The following CA12 variants were observed in gnomAD, a reference collection of about 807,000 sequenced individuals.
CA12 encodes carbonic anhydrase 12.
A neutral mutation model predicts 46.8 loss-of-function variants in CA12; 36 were observed. The observed-to-expected ratio is 0.77, with a 90% CI of 0.59 to 1.02. CA12 has a LOEUF of 1.02. Among genes scored for constraint, CA12 ranks in the 50% least tolerant of loss-of-function variants. The probability of loss-of-function intolerance (pLI) is 0.00; values close to 1 mark genes in which losing one functional copy is unlikely to be tolerated. For synonymous variants in CA12, 202 were observed against 187.0 expected (o/e 1.08, Z -0.65); for missense variants, 436 against 451.4 (o/e 0.97, Z 0.31).
In CA12 at chr15:63,373,430, C is replaced by T; in HGVS notation, c.106+2228G>A. On this transcript the variant is annotated intron_variant, in intron 2 of 10. Transcript: ENST00000178638. The surrounding 1 kb of genome is among the most constrained non-coding windows in gnomAD (Gnocchi z 4.9). ...TGTTCCCTGTCGCCATCTCATTCTGCCCAGGAGGGCTGTAACAGAGAGATA... is the reference window on the plus strand; with the variant it reads ...TGTTCCCTGTCGCCATCTCATTCTGTCCAGGAGGGCTGTAACAGAGAGATA... 6.6e-6 allele frequency among the ~76,000 whole-genome samples: 1 copy of T among 152,064 alleles called. No individual in the cohort carries two copies. Among genetic ancestry groups the T allele is most frequent in the East Asian group, 1.9e-4 (1 of 5,192 alleles).
chr15:63,353,915 T>A (rs565606709), intron 2 of CA12, among the ~76,000 whole-genome samples: 2 of 152,308 alleles, frequency 1.3e-5, no homozygotes, highest in East Asian at 3.9e-4. Flanking sequence ...CTGAAGCTGA[T>A]TAAAATATCT....
intron 2 of CA12, among the ~76,000 whole-genome samples, chr15:63,370,593 T>C (rs569003632): frequency 1.3e-4 from 19 of 151,812 alleles, no homozygotes; most frequent in African/African-American, 4.1e-4. Context: ...GTCAACATGG[T>C]GAAACCCCGT....
In CA12 at chr15:63,326,096, G is replaced by C; in HGVS notation, c.*189C>G. 3.3e-6 allele frequency: 2 copies of C among 613,482 alleles called. No homozygotes were observed. Among genetic ancestry groups the C allele is most frequent in the South Asian group, 1.8e-5 (1 of 56,044 alleles). The allele number at this position is 613,482 out of a possible 1,614,324, so 38.0% of individuals were successfully genotyped here. ...GGTCTGAGAGTGCATCCCATCCATC[G>C]ATCGGATGGCTCTGGGGTGGCCATG... is the stretch of plus-strand genomic sequence containing the variant. On this transcript the variant is annotated 3_prime_UTR_variant, in exon 11 of 11. Coordinates refer to ENST00000178638, the MANE Select transcript of CA12 (RefSeq NM_001218.5).
In CA12 at chr15:63,339,780, C is replaced by T. The variant is rs1305990662; in HGVS notation, c.747+508G>A. Among the ~76,000 whole-genome samples the T allele has an allele frequency of 1.3e-5, 2 of 152,200 alleles. No individual in the cohort carries two copies. Among genetic ancestry groups the T allele is most frequent in the Admixed American group, 1.3e-4 (2 of 15,290 alleles). On this transcript the variant is annotated intron_variant, in intron 7 of 10. Transcript: ENST00000178638. This position sits in a 1 kb window ranked among gnomAD's most constrained non-coding sequence, Gnocchi z 4.3. Reference sequence around the variant, plus strand: ...GGGTCTCAGCTTTGTCACTAACCCGCGGGTGATCCCACAGACTTCTACTCT... The same window carrying T: ...GGGTCTCAGCTTTGTCACTAACCCGTGGGTGATCCCACAGACTTCTACTCT...
At position 63,336,454 on chromosome 15, in the gene CA12, TA is replaced by T. The variant is rs535994454; in HGVS notation, c.874+2364del. On this transcript the variant is annotated intron_variant, in intron 8 of 10. Coordinates refer to ENST00000178638, the MANE Select transcript of CA12 (RefSeq NM_001218.5). Reference sequence around the variant, plus strand: ...GCCCTCAAACACTGTCCCTGCAATGTAAAGTCAGGATTGGCAGTTGTTAGTG... The same window carrying T: ...GCCCTCAAACACTGTCCCTGCAATGTAAGTCAGGATTGGCAGTTGTTAGTG... Among the ~76,000 whole-genome samples, 307 of 151,736 alleles carry T rather than the reference TA, an allele frequency of 2.0e-3. 1 individual carries two copies. The highest frequency in any genetic ancestry group is 3.6e-3 in the Non-Finnish European group (246 of 67,988).
chr15:63,346,531 T>A lies in CA12; in HGVS notation c.285A>T (p.Ser95=). 1 of 1,612,216 alleles carries A rather than the reference T, an allele frequency of 6.2e-7. No homozygotes were observed. The highest frequency in any genetic ancestry group is 1.1e-5 in the South Asian group (1 of 91,020). Reference sequence around the variant, plus strand: ...AGGTCTCCAAGGCCTCTCCCTCACCTGAATGGCCATTGTTGGTCAGGAGAA... The same window carrying A: ...AGGTCTCCAAGGCCTCTCCCTCACCAGAATGGCCATTGTTGGTCAGGAGAA... The part of the protein sequence containing the change: ...KQFLLTNNGH[S]VKLNLPSDMH... The change falls in exon 3 of 11, where the codon TCA becomes TCT. Residue 95 remains serine (S), a splice_region_variant and synonymous_variant. Coordinates refer to ENST00000178638, the MANE Select transcript of CA12 (RefSeq NM_001218.5).
intron 1 of CA12, among the ~76,000 whole-genome samples, chr15:63,380,904 T>C (rs182244578): frequency 5.3e-4 from 81 of 152,290 alleles, no homozygotes; most frequent in East Asian, 7.7e-4. Context: ...GAGCCCACAG[T>C]TCAGGTCCCC....
At position 63,355,737 on chromosome 15, in the gene CA12, A is replaced by G. The variant is rs912253195; in HGVS notation, c.107-9028T>C. 6.7e-6 allele frequency among the ~76,000 whole-genome samples: 1 copy of G among 149,726 alleles called. No homozygotes were observed. Among genetic ancestry groups the G allele is most frequent in the Admixed American group, 6.6e-5 (1 of 15,246 alleles). ...CTAACCCCTATCATGAAAACTAGCC[A>G]GGCCTGAGCCCCCCATCAGTGCTCA... On this transcript the variant is annotated intron_variant, in intron 2 of 10. Coordinates refer to ENST00000178638, the MANE Select transcript of CA12 (RefSeq NM_001218.5). The surrounding 1 kb of genome is among the most constrained non-coding windows in gnomAD (Gnocchi z 4.1).
chr15:63,378,797 CCA>C lies in CA12; in HGVS notation c.85+2837_85+2838del, dbSNP rs988419814. On this transcript the variant is annotated intron_variant, in intron 1 of 10. Transcript: ENST00000178638. This position sits in a 1 kb window ranked among gnomAD's most constrained non-coding sequence, Gnocchi z 4.8. Reference sequence around the variant, plus strand: ...AGTTGGAGGCCCAGGATGTAAAATTCCACAAATAACAGAGGAGTTCACCCTTA... The same window carrying C: ...AGTTGGAGGCCCAGGATGTAAAATTCCAAATAACAGAGGAGTTCACCCTTA... 1 of 152,164 alleles carries C rather than the reference CCA, an allele frequency of 6.6e-6. No homozygotes were observed. The highest frequency in any genetic ancestry group is 1.5e-5 in the Non-Finnish European group (1 of 68,060). 9.4% of individuals were successfully genotyped at this position (152,164 alleles called of 1,614,324 possible). A position where few individuals can be genotyped will look rare whatever the true frequency, so the allele number is the denominator to read the frequency against.
In CA12 at chr15:63,340,831, T is replaced by C. The variant is rs372096514; in HGVS notation, c.526-48A>G. On this transcript the variant is annotated intron_variant, in intron 5 of 10. Transcript: ENST00000178638. This position sits in a 1 kb window ranked among gnomAD's most constrained non-coding sequence, Gnocchi z 4.4. ...TAAACTGGGACAGAACAGGATAGGC[T>C]GAGCCAGGATTGACGATTGCTATCA... The C allele has an allele frequency of 4.5e-6, 7 of 1,550,374 alleles. No homozygotes were observed. The African/African-American group carries it at 8.1e-5, about 18-fold the overall frequency.
chr15:63,327,256 A>C lies in CA12; in HGVS notation c.908-23T>G, dbSNP rs2038879471. ...TGCCTGGTGAAGAGGTAGAGGGCAC[A>C]CATTACATTCCTTCCTTCCCCTCCA... On this transcript the variant is annotated intron_variant, in intron 9 of 10. Coordinates refer to ENST00000178638, the MANE Select transcript of CA12 (RefSeq NM_001218.5). This position sits in a 1 kb window ranked among gnomAD's most constrained non-coding sequence, Gnocchi z 4.5. The C allele has an allele frequency of 6.3e-7, 1 of 1,595,998 alleles. No individual in the cohort carries two copies. Among genetic ancestry groups the C allele is most frequent in the East Asian group, 2.2e-5 (1 of 44,736 alleles).
Position 63,345,353 on chromosome 15 carries a change from TG to T in CA12, c.429+123del. On this transcript the variant is annotated intron_variant, in intron 4 of 10. Coordinates refer to ENST00000178638, the MANE Select transcript of CA12 (RefSeq NM_001218.5). The surrounding 1 kb of genome is among the most constrained non-coding windows in gnomAD (Gnocchi z 4.3). ...GCGCCCCTTGTGCCAGGGCCAGAGG[TG>T]GGGCAGAGAGCCTGAAGGCAGCCTG... 8.0e-7 allele frequency: 1 copy of T among 1,246,308 alleles called. No homozygotes were observed. Among genetic ancestry groups the T allele is most frequent in the Non-Finnish European group, 1.1e-6 (1 of 884,458 alleles). The allele number at this position is 1,246,308 out of a possible 1,614,324, so 77.2% of individuals were successfully genotyped here.
intron 2 of CA12, among the ~76,000 whole-genome samples, chr15:63,358,018 C>T (rs760078517): frequency 6.6e-6 from 1 of 152,216 alleles, no homozygotes; most frequent in Non-Finnish European, 1.5e-5. Flanking sequence ...AAAGGGCCTT[C>T]ATGCCTTTTT....
chr15:63,366,650 A>G (rs1410039935), intron 2 of CA12, among the ~76,000 whole-genome samples: 1 of 152,200 alleles, frequency 6.6e-6, no homozygotes. Flanking sequence ...CAAGTTGAAA[A>G]CTTTGGTTGG....
At chr15:63,334,524 T>C (rs576255232) in intron 8 of CA12, among the ~76,000 whole-genome samples, 2 of 152,076 alleles carry the variant, frequency 1.3e-5, no homozygotes, top group South Asian at 4.2e-4. Flanking sequence ...CCCAAAATGC[T>C]GGGATTACAG....
chr15:63,349,312 A>G (rs1417607052), intron 2 of CA12, among the ~76,000 whole-genome samples: 4 of 152,328 alleles, frequency 2.6e-5, no homozygotes, highest in South Asian at 4.1e-4. Flanking sequence ...TGCTCATGTC[A>G]AGGCAGCTAC....
At position 63,330,410 on chromosome 15, in the gene CA12, TAC is replaced by T. The variant is rs1183833380; in HGVS notation, c.875-2282_875-2281del. 6.6e-6 allele frequency among the ~76,000 whole-genome samples: 1 copy of T among 152,228 alleles called. No individual in the cohort carries two copies. Among genetic ancestry groups the T allele is most frequent in the Non-Finnish European group, 1.5e-5 (1 of 68,044 alleles). The stretch of plus-strand genomic sequence containing the variant: ...TTTTCTTCCCAACCCTTTGATGAAA[TAC>T]ACTCTCGTTCTTTGTTCCTGAAGCT... On this transcript the variant is annotated intron_variant, in intron 8 of 10. Coordinates refer to ENST00000178638, the MANE Select transcript of CA12 (RefSeq NM_001218.5). The surrounding 1 kb of genome is among the most constrained non-coding windows in gnomAD (Gnocchi z 4.0).
chr15:63,340,273 T>C lies in CA12; in HGVS notation c.747+15A>G, dbSNP rs772612686. 27 of 1,614,106 alleles carry C rather than the reference T, an allele frequency of 1.7e-5. No homozygotes were observed. In the South Asian group the frequency reaches 2.6e-4, roughly 16 times the overall value. On this transcript the variant is annotated intron_variant, in intron 7 of 10. Transcript: ENST00000178638. This position sits in a 1 kb window ranked among gnomAD's most constrained non-coding sequence, Gnocchi z 4.4. Reference sequence around the variant, plus strand: ...GTGCCGCGTGGACTCTGGCTGAGTCTGGCACGACAGTTACCTGCTCCTGGG... The same window carrying C: ...GTGCCGCGTGGACTCTGGCTGAGTCCGGCACGACAGTTACCTGCTCCTGGG...
chr15:63,333,565 T>C (rs1488966061), intron 8 of CA12, among the ~76,000 whole-genome samples: 1 of 152,244 alleles, frequency 6.6e-6, no homozygotes, highest in African/African-American at 2.4e-5. Flanking sequence ...GGAGAATCGA[T>C]GATATTCTTT....
Sources: allele counts gnomAD v4.1 joint callset (sites outside exome capture counted in the v4.1 genomes callset), GRCh38; gene constraint gnomAD v4.1.1; non-coding constraint Gnocchi (gnomAD v3.1); transcripts MANE v1.5; gene names NCBI Gene and HGNC (gene_info 2026-07-23, HGNC 2026-07-21).